AP1S3: variants seen among roughly 807,000 people sequenced by gnomAD.
AP1S3 encodes AP-1 complex subunit sigma-3.
AP1S3 carries 10 observed loss-of-function variants against 20.9 expected under a neutral mutation model. The observed-to-expected ratio is 0.48, with a 90% CI of 0.29 to 0.81. AP1S3 has a LOEUF of 0.81. Among genes scored for constraint, AP1S3 ranks in the 30% least tolerant of loss-of-function variants. The pLI is 0.08. For missense variants in AP1S3, 154 were observed against 183.8 expected, an observed-to-expected ratio of 0.84 and a Z score of 0.94; for synonymous variants, 41 against 61.5, an observed-to-expected ratio of 0.67 and a Z score of 1.56.
intron 1 of AP1S3, among the ~76,000 whole-genome samples, chr2:223,835,227 C>T (rs9288584): frequency 0.33 from 50,379 of 152,038 alleles, 8,744 homozygotes; most frequent in Middle Eastern, 0.43. Context: ...GGCCATACTG[C>T]TAGAATAGCT....
At chr2:223,817,154 TA>T (rs529983787) in intron 1 of AP1S3, among the ~76,000 whole-genome samples, 118 of 151,916 alleles carry the variant, frequency 7.8e-4, no homozygotes, top group African/African-American at 2.7e-3. Flanking sequence ...CTGTAGGCAA[TA>T]AAATTAGGCC....
chr2:223,801,234 A>G (rs1691458566), intron 1 of AP1S3, among the ~76,000 whole-genome samples: 1 of 152,164 alleles, frequency 6.6e-6, no homozygotes, highest in Non-Finnish European at 1.5e-5. Context: ...TTCCCACTTG[A>G]TAAGGACTCT....
chr2:223,826,688 C>A (rs1452146249), intron 1 of AP1S3, among the ~76,000 whole-genome samples: 1 of 152,116 alleles, frequency 6.6e-6, no homozygotes, highest in East Asian at 1.9e-4. Context: ...GGGTCTCACT[C>A]TGTCATCCAG....
chr2:223,805,468 T>C (rs1691559430), intron 1 of AP1S3, among the ~76,000 whole-genome samples: 1 of 152,074 alleles, frequency 6.6e-6, no homozygotes, highest in African/African-American at 2.4e-5. Flanking sequence ...ATGTACAATT[T>C]CCCAAAATAC....
At chr2:223,783,097 T>C (rs1690987913) in intron 1 of AP1S3, among the ~76,000 whole-genome samples, 1 of 152,242 alleles carries the variant, frequency 6.6e-6, no homozygotes, top group Non-Finnish European at 1.5e-5. Context: ...AAATGCAAGT[T>C]GATGTCATAA....
intron 1 of AP1S3, among the ~76,000 whole-genome samples, chr2:223,791,172 T>C (rs1691208831): frequency 6.6e-6 from 1 of 152,152 alleles, no homozygotes. Context: ...CCCTAACTCA[T>C]TCATGAGGCC....
At chr2:223,775,013 T>TTCAGAAATAACAGGACAAGAGTCA (rs1553582157) in intron 3 of AP1S3, among the ~76,000 whole-genome samples, 1 of 20,258 alleles carries the variant, frequency 4.9e-5, no homozygotes, top group African/African-American at 4.0e-4. Context: ...AAGGAGGCGC[T>TTCAGAAATAACAGGACAAGAGTCA]TCAGAAATCA....
chr2:223,767,660 T>C (rs143483712), intron 3 of AP1S3, among the ~76,000 whole-genome samples: 6 of 151,940 alleles, frequency 3.9e-5, no homozygotes, highest in Non-Finnish European at 7.4e-5. Context: ...GGGCCACTAG[T>C]CCAATATTCT....
At chr2:223,767,215 AAAGTCTCCAG>A (rs1174205434) in intron 3 of AP1S3, among the ~76,000 whole-genome samples, 3 of 151,950 alleles carry the variant, frequency 2.0e-5, no homozygotes, top group Non-Finnish European at 4.4e-5. Context: ...AAAAAGAAAG[AAAGTCTCCAG>A]ACCTCCCCAA....
intron 1 of AP1S3, among the ~76,000 whole-genome samples, chr2:223,819,756 G>A (rs1691944741): frequency 6.6e-6 from 1 of 152,010 alleles, no homozygotes; most frequent in Admixed American, 6.6e-5. Context: ...TTCTAAATTA[G>A]TAGTATATTA....
chr2:223,784,508 G>C (rs561495325), intron 1 of AP1S3, among the ~76,000 whole-genome samples: 2 of 152,040 alleles, frequency 1.3e-5, no homozygotes, highest in African/African-American at 4.8e-5. Flanking sequence ...GCACGGCATC[G>C]TCACTCCCAC....
intron 3 of AP1S3, 34 bp downstream of exon 3, chr2:223,775,867 G>A: frequency 2.6e-6 from 4 of 1,522,586 alleles, no homozygotes; most frequent in Non-Finnish European, 2.7e-6. Flanking sequence ...GATGGGGACT[G>A]TAGCTAATCC....
chr2:223,772,241 A>C (rs1430058060), intron 3 of AP1S3, among the ~76,000 whole-genome samples: 1 of 152,246 alleles, frequency 6.6e-6, no homozygotes, highest in African/African-American at 2.4e-5. Context: ...AGGTTAGCAA[A>C]GTAAACACTT....
At chr2:223,765,624 C>T (rs1210372226) in intron 3 of AP1S3, among the ~76,000 whole-genome samples, 1 of 152,196 alleles carries the variant, frequency 6.6e-6, no homozygotes, top group African/African-American at 2.4e-5. Context: ...GGCCACTCGG[C>T]TCCTCTTCCT....
chr2:223,787,735 G>A (rs889494337), intron 1 of AP1S3, among the ~76,000 whole-genome samples: 28 of 151,426 alleles, frequency 1.8e-4, no homozygotes, highest in African/African-American at 5.1e-4. Context: ...AAGTGAAAAC[G>A]CACATGCATA....
At chr2:223,808,019 AGCT>A (rs1559140887) in intron 1 of AP1S3, among the ~76,000 whole-genome samples, 6 of 151,666 alleles carry the variant, frequency 4.0e-5, no homozygotes, top group Non-Finnish European at 8.8e-5. Context: ...CCTCCTCAGT[AGCT>A]GGGACTCCAG....
intron 1 of AP1S3, among the ~76,000 whole-genome samples, chr2:223,824,524 T>G (rs1388671023): frequency 1.3e-5 from 2 of 149,360 alleles, no homozygotes. Context: ...TTTGACTCAT[T>G]TCTCCAAATG....
intron 1 of AP1S3, among the ~76,000 whole-genome samples, chr2:223,804,616 A>G (rs1691536621): frequency 6.6e-6 from 1 of 151,922 alleles, no homozygotes; most frequent in Non-Finnish European, 1.5e-5. Flanking sequence ...CTAAGGCAGG[A>G]GGATGGCTTG....
At position 223,798,227 on chromosome 2, in the gene AP1S3, G is replaced by A. The variant is rs185493328; in HGVS notation, c.4-20358C>T. Among the ~76,000 whole-genome samples, 690 of 152,236 alleles carry A rather than the reference G, an allele frequency of 4.5e-3. 3 individuals carry two copies. The highest frequency in any genetic ancestry group is 6.6e-3 in the Non-Finnish European group (452 of 68,020). ...GCTGTCAATCTCAGAATCTCAGGTA[G>A]GCCTGTCATGTCAGCCTTTTTCCTG... On this transcript the variant is annotated intron_variant, in intron 1 of 4. Coordinates refer to ENST00000396654, the MANE Select transcript of AP1S3 (RefSeq NM_001039569.2).
Sources: allele counts gnomAD v4.1 joint callset (sites outside exome capture counted in the v4.1 genomes callset), GRCh38; gene constraint gnomAD v4.1.1; transcripts MANE v1.5; gene names NCBI Gene and HGNC (gene_info 2026-07-23, HGNC 2026-07-21).